Variants in ADI1 observed in about 807,000 individuals in gnomAD.
The protein encoded by ADI1 is acireductone dioxygenase 1, also known as acireductone dioxygenase.
Under a neutral mutation model 18.7 loss-of-function variants are expected in ADI1, and 21 were observed. That is an observed-to-expected ratio of 1.13 (90% CI 0.80 to 1.62). The LOEUF (loss-of-function observed/expected upper bound fraction) is 1.62. ADI1 is among the 40% of genes most tolerant of loss of function. The pLI, the probability that ADI1 is intolerant of heterozygous loss-of-function variation, is 0.00. For missense variants in ADI1, 245 were observed against 254.9 expected (o/e 0.96, Z 0.26); for synonymous variants, 90 against 100.1 (o/e 0.90, Z 0.60).
At chr2:3,508,334 CAAAAAAAA>C (rs33977448) in intron 2 of ADI1, among the ~76,000 whole-genome samples, 2 of 26,920 alleles carry the variant, frequency 7.4e-5, no homozygotes, top group African/African-American at 1.6e-4. Flanking sequence ...GACTCTGTCT[CAAAAAAAA>C]AAAAAAAAAA....
At chr2:3,505,117 G>A (rs1299463464) in intron 2 of ADI1, among the ~76,000 whole-genome samples, 1 of 152,232 alleles carries the variant, frequency 6.6e-6, no homozygotes, top group Non-Finnish European at 1.5e-5. Flanking sequence ...TGTATTGTCA[G>A]TTTACCTGCG....
chr2:3,501,517 ATGTCTT>A (rs2103201549), intron 2 of ADI1, among the ~76,000 whole-genome samples: 1 of 152,158 alleles, frequency 6.6e-6, no homozygotes, highest in South Asian at 2.1e-4. Flanking sequence ...AGCATTTTCT[ATGTCTT>A]CACATTGACT....
At chr2:3,519,346 T>C in intron 1 of ADI1, 22 bp downstream of exon 1, 2 of 1,407,740 alleles carry the variant, frequency 1.4e-6, no homozygotes, top group Non-Finnish European at 1.8e-6. Flanking sequence ...CCGCACGCTC[T>C]GCGAGGCTTG....
intron 2 of ADI1, among the ~76,000 whole-genome samples, chr2:3,509,871 C>T (rs559019287): frequency 2.6e-5 from 4 of 151,284 alleles, no homozygotes; most frequent in Admixed American, 1.3e-4. Context: ...AGGCCGGGTG[C>T]GGTGGCTCAT....
intron 2 of ADI1, among the ~76,000 whole-genome samples, chr2:3,504,159 G>A (rs1477407275): frequency 2.0e-5 from 3 of 152,176 alleles, no homozygotes; most frequent in East Asian, 3.8e-4. Flanking sequence ...CCCAGGGCAC[G>A]TTGACATCAG....
At chr2:3,508,352 A>C (rs1469662125) in intron 2 of ADI1, among the ~76,000 whole-genome samples, 16 of 149,226 alleles carry the variant, frequency 1.1e-4, no homozygotes, top group African/African-American at 3.7e-4. Flanking sequence ...AAAAAAAAAA[A>C]AAAAAAAACA....
Position 3,519,521 on chromosome 2 carries a change from G to GGGCCGCGCTCGGAGCCCGTC in ADI1, c.-35_-34insGACGGGCTCCGAGCGCGGCC, listed in dbSNP as rs1156645769. The GGGCCGCGCTCGGAGCCCGTC allele has an allele frequency of 8.0e-7, 1 of 1,256,454 alleles. No homozygotes were observed. The highest frequency in any genetic ancestry group is 1.0e-6 in the Non-Finnish European group (1 of 999,168). 77.8% of individuals were successfully genotyped at this position (1,256,454 alleles called of 1,614,324 possible). A position where few individuals can be genotyped will look rare whatever the true frequency, so the allele number is the denominator to read the frequency against. ...GTGCGGGTGCCGTGTTCGAACCCAGGGGCCGCGCTCGGAGCCCGTCGGCCG... is the reference window on the plus strand; with the variant it reads ...GTGCGGGTGCCGTGTTCGAACCCAGGGGCCGCGCTCGGAGCCCGTCGGCCGCGCTCGGAGCCCGTCGGCCG... On this transcript the variant is annotated 5_prime_UTR_variant, in exon 1 of 4. Coordinates refer to ENST00000327435, the MANE Select transcript of ADI1 (RefSeq NM_018269.4).
At chr2:3,508,056 C>T (rs940665836) in intron 2 of ADI1, among the ~76,000 whole-genome samples, 9 of 151,926 alleles carry the variant, frequency 5.9e-5, no homozygotes, top group Middle Eastern at 3.4e-3. Context: ...AACAATAGGC[C>T]GGGCACGGTG....
chr2:3,501,469 C>A (rs1336830854), intron 2 of ADI1, among the ~76,000 whole-genome samples: 1 of 152,164 alleles, frequency 6.6e-6, no homozygotes, highest in Non-Finnish European at 1.5e-5. Context: ...GAGTGAGAAG[C>A]CAGTGGACAT....
Position 3,504,184 on chromosome 2 carries a change from C to T in ADI1, c.241-3191G>A, listed in dbSNP as rs115747458. 8.6e-3 allele frequency among the ~76,000 whole-genome samples: 1,306 copies of T among 152,334 alleles called. 21 individuals are homozygous for T. Among genetic ancestry groups the T allele is most frequent in the African/African-American group, 0.03 (1,241 of 41,584 alleles). The stretch of plus-strand genomic sequence containing the variant: ...GTTGACATCAGCAGTGAGGGGCCCT[C>T]GGACACGCTTACTCACAACACCACT... On this transcript the variant is annotated intron_variant, in intron 2 of 3. Transcript: ENST00000327435.
chr2:3,514,321 T>A (rs1467477225), intron 1 of ADI1, among the ~76,000 whole-genome samples: 1 of 152,168 alleles, frequency 6.6e-6, no homozygotes, highest in African/African-American at 2.4e-5. Context: ...TCTGCCACCA[T>A]CCCACTCATG....
chr2:3,519,502 G>A lies in ADI1; in HGVS notation c.-15C>T, dbSNP rs752223829. On this transcript the variant is annotated 5_prime_UTR_variant, in exon 1 of 4. Transcript: ENST00000327435. ...GCCTGCACCATGACGCGCAGTGCGG[G>A]TGCCGTGTTCGAACCCAGGGGCCGC... 2 of 1,273,690 alleles carry A rather than the reference G, an allele frequency of 1.6e-6. No homozygotes were observed. The highest frequency in any genetic ancestry group is 2.0e-6 in the Non-Finnish European group (2 of 1,007,702). The allele number at this position is 1,273,690 out of a possible 1,614,324, so 78.9% of individuals were successfully genotyped here.
At chr2:3,512,249 T>C (rs182495505) in intron 2 of ADI1, among the ~76,000 whole-genome samples, 1 of 152,074 alleles carries the variant, frequency 6.6e-6, no homozygotes, top group African/African-American at 2.4e-5. Context: ...GCCAAGACAA[T>C]GGGGAAAAAA....
chr2:3,502,001 CCACACACACA>C (rs70938947), intron 2 of ADI1, among the ~76,000 whole-genome samples: 17 of 105,042 alleles, frequency 1.6e-4, no homozygotes, highest in South Asian at 8.2e-4. Flanking sequence ...ACCTCCCGCT[CCACACACACA>C]CACACACACA....
intron 2 of ADI1, among the ~76,000 whole-genome samples, chr2:3,509,714 C>T (rs1667253386): frequency 6.6e-6 from 1 of 151,886 alleles, no homozygotes. Flanking sequence ...AAATTTACAG[C>T]ACTAAACCCC....
intron 2 of ADI1, among the ~76,000 whole-genome samples, chr2:3,513,395 TC>T (rs1033766022): frequency 3.6e-4 from 55 of 152,268 alleles, no homozygotes; most frequent in African/African-American, 1.3e-3. Context: ...TGAAATGTAA[TC>T]CCCAGTATTG....
chr2:3,507,664 T>C (rs1667203636), intron 2 of ADI1, among the ~76,000 whole-genome samples: 1 of 152,180 alleles, frequency 6.6e-6, no homozygotes, highest in African/African-American at 2.4e-5. Context: ...CAGAAGTTCT[T>C]CAAATGAAAA....
intron 1 of ADI1, among the ~76,000 whole-genome samples, chr2:3,518,326 C>T (rs1042640388): frequency 6.6e-6 from 1 of 152,206 alleles, no homozygotes; most frequent in Non-Finnish European, 1.5e-5. Context: ...GTGTGGTGTC[C>T]AGGTAACCCT....
rs187443695 is a variant in ADI1 at position 3,513,828 on chromosome 2, C to A, written c.240+29G>T. ...ATTAGTAGTGAATATAATGATACTT[C>A]TTTTCCAGGTAATCCAGGGCTCCCT... On this transcript the variant is annotated intron_variant, in intron 2 of 3. Coordinates refer to ENST00000327435, the MANE Select transcript of ADI1 (RefSeq NM_018269.4). The A allele has an allele frequency of 2.4e-5, 37 of 1,574,386 alleles. No individual in the cohort carries two copies. In the Middle Eastern group the frequency reaches 6.5e-4, roughly 28 times the overall value.
Sources: gnomAD v4.1 joint callset for allele counts (sites outside exome capture counted in the v4.1 genomes callset) on GRCh38, gnomAD v4.1.1 for gene constraint, MANE v1.5 for transcripts, NCBI Gene and HGNC (gene_info 2026-07-23, HGNC 2026-07-21) for gene names.